The following DLC1 variants were observed in gnomAD, a reference collection of about 807,000 sequenced individuals.
DLC1 encodes rho GTPase-activating protein 7.
In DLC1, 54 loss-of-function variants were observed where a neutral mutation model predicts 140.3. The ratio of observed to expected loss-of-function variants is 0.38; its 90% CI spans 0.31 to 0.48. DLC1 has a LOEUF of 0.48. Ranked by LOEUF, DLC1 falls within the 20% of genes least tolerant of loss-of-function variation. DLC1 has a pLI of 0.96. For missense variants in DLC1, 2,536 were observed against 1,907.0 expected, an observed-to-expected ratio of 1.33 and a Z score of -6.14; for synonymous variants, 986 against 728.1, an observed-to-expected ratio of 1.35 and a Z score of -5.70.
Position 13,100,169 on chromosome 8 carries a change from C to G in DLC1, c.2168G>C (p.Arg723Pro). 6.2e-7 allele frequency: 1 copy of G among 1,613,336 alleles called. No homozygotes were observed. The highest frequency in any genetic ancestry group is 8.5e-7 in the Non-Finnish European group (1 of 1,179,834). ...CTTTCGTACCATGGGGACGTTGATG[C>G]GGTTGCCATTGAGGGCGGAGATCTC... ...CVEISALNGN[R>P]INVPMVRKRS... Residue 723 changes from arginine (R) to proline (P), a missense_variant, in exon 9 of 18, where the codon CGC becomes CCC. Arg to Pro is a moderately radical substitution (Grantham distance 103). Coordinates refer to ENST00000276297, the MANE Select transcript of DLC1 (RefSeq NM_182643.3).
chr8:13,132,997 C>G, intron 5 of DLC1: 1 of 1,608,386 alleles, frequency 6.2e-7, no homozygotes, highest in Non-Finnish European at 8.5e-7. Context: ...CGGCAGGCGG[C>G]GGCGGAAGCG....
chr8:13,191,243 A>T (rs964698621), intron 5 of DLC1, among the ~76,000 whole-genome samples: 47 of 152,244 alleles, frequency 3.1e-4, no homozygotes, highest in African/African-American at 1.1e-3. Flanking sequence ...ACAGTGGCTC[A>T]TGCCTGTAAT....
At chr8:13,297,791 A>G (rs1832024360) in intron 5 of DLC1, among the ~76,000 whole-genome samples, 1 of 152,198 alleles carries the variant, frequency 6.6e-6, no homozygotes, top group Non-Finnish European at 1.5e-5. Flanking sequence ...CAGAGTGGAT[A>G]TATCACATTA....
chr8:13,377,096 C>T (rs1836029272), intron 4 of DLC1, among the ~76,000 whole-genome samples: 1 of 152,124 alleles, frequency 6.6e-6, no homozygotes, highest in African/African-American at 2.4e-5. Flanking sequence ...AAGTTGAGAA[C>T]AGTGTGTTTC....
intron 1 of DLC1, among the ~76,000 whole-genome samples, chr8:13,506,119 A>C (rs971487863): frequency 5.3e-5 from 8 of 152,178 alleles, no homozygotes; most frequent in Non-Finnish European, 8.8e-5. Flanking sequence ...GTGTGTATAC[A>C]TAAAGCAGTC....
rs940611713 is a variant in DLC1, at chr8:13,098,384, C to T, written c.3167+15G>A. ...TCATTTTCAACGACAGTTGACTGAT[C>T]ATTTAAACTCTTACCAGCTAAAACC... On this transcript the variant is annotated intron_variant, in intron 10 of 17. Transcript: ENST00000276297. 5.6e-6 allele frequency: 9 copies of T among 1,612,970 alleles called. No homozygotes were observed. The highest frequency in any genetic ancestry group is 4.2e-6 in the Non-Finnish European group (5 of 1,179,394).
intron 10 of DLC1, among the ~76,000 whole-genome samples, chr8:13,096,820 T>A (rs1368064687): frequency 6.6e-6 from 1 of 152,222 alleles, no homozygotes; most frequent in African/African-American, 2.4e-5. Flanking sequence ...AGAGTGCTAC[T>A]AATGAAATGG....
intron 2 of DLC1, among the ~76,000 whole-genome samples, chr8:13,497,563 C>A (rs557281862): frequency 4.5e-4 from 69 of 152,268 alleles, no homozygotes; most frequent in African/African-American, 1.5e-3. Flanking sequence ...AGAGTAAATT[C>A]TTTCCAGCAT....
chr8:13,315,669 A>G (rs142459244), intron 4 of DLC1, among the ~76,000 whole-genome samples: 64 of 152,158 alleles, frequency 4.2e-4, no homozygotes, highest in African/African-American at 1.4e-3. Context: ...AAGTCCCCGT[A>G]TTTTGTTTGT....
intron 4 of DLC1, among the ~76,000 whole-genome samples, chr8:13,317,356 T>A (rs1190173080): frequency 6.6e-6 from 1 of 152,184 alleles, no homozygotes; most frequent in Admixed American, 6.6e-5. Context: ...ATTTGAACAT[T>A]CAACATAAAA....
chr8:13,473,945 A>T (rs1800322061), intron 2 of DLC1, among the ~76,000 whole-genome samples: 1 of 152,226 alleles, frequency 6.6e-6, no homozygotes, highest in African/African-American at 2.4e-5. Flanking sequence ...TGACAATGTG[A>T]TAGAAAAGAA....
chr8:13,260,602 G>T (rs902625390), intron 5 of DLC1, among the ~76,000 whole-genome samples: 3 of 152,108 alleles, frequency 2.0e-5, no homozygotes, highest in Non-Finnish European at 2.9e-5. Flanking sequence ...GAGTTTAAAG[G>T]TGAGGATAGG....
chr8:13,397,593 C>T (rs184403440), intron 3 of DLC1, among the ~76,000 whole-genome samples: 16 of 151,870 alleles, frequency 1.1e-4, no homozygotes. Flanking sequence ...CATTGGGAGG[C>T]CGAGGTGGGA....
intron 1 of DLC1, among the ~76,000 whole-genome samples, chr8:13,573,799 G>A (rs867972436): frequency 6.6e-6 from 1 of 152,158 alleles, no homozygotes; most frequent in Non-Finnish European, 1.5e-5. Flanking sequence ...CAGAATTAAA[G>A]TCAGTAGTCT....
At chr8:13,586,972 C>A (rs1320675722) in intron 1 of DLC1, among the ~76,000 whole-genome samples, 2 of 151,786 alleles carry the variant, frequency 1.3e-5, no homozygotes, top group Non-Finnish European at 2.9e-5. Flanking sequence ...CATTGAGGAC[C>A]TTTTTAAACT....
intron 5 of DLC1, among the ~76,000 whole-genome samples, chr8:13,142,806 T>C (rs1247468444): frequency 1.3e-5 from 2 of 152,122 alleles, no homozygotes; most frequent in South Asian, 2.1e-4. Flanking sequence ...TCCCAGCACT[T>C]TGGGAGGCCG....
At chr8:13,106,832 G>A (rs992608358) in intron 7 of DLC1, among the ~76,000 whole-genome samples, 1 of 152,182 alleles carries the variant, frequency 6.6e-6, no homozygotes, top group Non-Finnish European at 1.5e-5. Flanking sequence ...TTTATAGAAG[G>A]AGTCATTTTT....
chr8:13,425,747 C>T (rs907210550), intron 2 of DLC1, among the ~76,000 whole-genome samples: 6 of 152,166 alleles, frequency 3.9e-5, no homozygotes, highest in African/African-American at 1.4e-4. Context: ...CTCCTCCCCA[C>T]TAAAAACTAT....
rs71519975 is a variant in DLC1, at chr8:13,587,568, C to CAG, written c.-126+16967_-126+16968dup. ...ATACACACACACACACACACACACACAGAGAGAGAGAAAATATATATATAT... is the reference window on the plus strand; with the variant it reads ...ATACACACACACACACACACACACACAGAGAGAGAGAGAAAATATATATATAT... On this transcript the variant is annotated intron_variant, in intron 1 of 1. Transcript: ENST00000631382. 4.8e-4 allele frequency among the ~76,000 whole-genome samples: 69 copies of CAG among 144,388 alleles called. No homozygotes were observed. The East Asian group carries it at 0.012, about 25-fold the overall frequency. 94.7% of individuals were successfully genotyped at this position (144,388 alleles called of 152,430 possible).
Sources: allele counts gnomAD v4.1 joint callset (sites outside exome capture counted in the v4.1 genomes callset), GRCh38; gene constraint gnomAD v4.1.1; transcripts MANE v1.5; gene names NCBI Gene and HGNC (gene_info 2026-07-23, HGNC 2026-07-21).